SEMA5B: variants seen among roughly 807,000 people sequenced by gnomAD.
SEMA5B encodes the protein semaphorin 5B.
A neutral mutation model predicts 135.0 loss-of-function variants in SEMA5B; 66 were observed. The observed-to-expected ratio is 0.49, with a 90% CI of 0.40 to 0.60. The LOEUF is 0.60. SEMA5B is among the 20% of genes least tolerant of loss of function. The pLI is 0.00. For missense variants in SEMA5B, 1,501 were observed against 1,566.3 expected, an observed-to-expected ratio of 0.96 and a Z score of 0.70; for synonymous variants, 690 against 639.5, an observed-to-expected ratio of 1.08 and a Z score of -1.19.
intron 1 of SEMA5B, among the ~76,000 whole-genome samples, chr3:123,002,910 C>T (rs978293447): frequency 5.3e-5 from 8 of 152,140 alleles, no homozygotes; most frequent in Non-Finnish European, 7.4e-5. Flanking sequence ...TACTTATTTC[C>T]GGAGATAAGG....
intron 1 of SEMA5B, among the ~76,000 whole-genome samples, chr3:122,968,769 T>C (rs9869820): frequency 0.12 from 17,800 of 152,142 alleles, 1,956 homozygotes; most frequent in East Asian, 0.31. Flanking sequence ...TCAGCTGGGT[T>C]TGGTACCCAT....
chr3:122,978,041 G>C (rs10934628), intron 1 of SEMA5B, among the ~76,000 whole-genome samples: 16,077 of 152,296 alleles, frequency 0.11, 895 homozygotes, highest in Middle Eastern at 0.17. Context: ...CCCCAGTGGA[G>C]TGATGGCAGA....
intron 1 of SEMA5B, among the ~76,000 whole-genome samples, chr3:123,004,684 C>A (rs1375505054): frequency 1.3e-5 from 2 of 152,176 alleles, no homozygotes; most frequent in Non-Finnish European, 2.9e-5. Context: ...ATATAACATA[C>A]CCAGGCAACA....
At chr3:122,987,734 G>T (rs1363442723) in intron 1 of SEMA5B, among the ~76,000 whole-genome samples, 1 of 152,220 alleles carries the variant, frequency 6.6e-6, no homozygotes, top group Non-Finnish European at 1.5e-5. Flanking sequence ...TCCTGACAGG[G>T]ACTGGGAGAA....
intron 2 of SEMA5B, among the ~76,000 whole-genome samples, chr3:122,956,844 GA>G (rs1237471502): frequency 6.6e-6 from 1 of 152,158 alleles, no homozygotes; most frequent in Non-Finnish European, 1.5e-5. Context: ...CCCTAAAAGG[GA>G]AAAAACGTCC....
At position 122,939,460 on chromosome 3, in the gene SEMA5B, A is replaced by G. The variant is rs1939455775; in HGVS notation, c.439T>C (p.Phe147Leu). Residue 147 changes from phenylalanine (F) to leucine (L), a missense_variant, in exon 5 of 23, where the codon TTC becomes CTC. Physicochemically the swap from Phe to Leu is conservative, Grantham distance 22. Around this residue, in one of 2 missense-constraint regions of SEMA5B, gnomAD observed 574 missense variants for 684.7 expected, o/e 0.84. Transcript: ENST00000357599. ...QLIVGARNYLFRLSLANVSLL... is the reference protein window; with the variant it reads ...QLIVGARNYLLRLSLANVSLL... ...GAGACATTGGCAAGGCTGAGTCTGA[A>G]GAGGTAGTTCCTGTGAAAATGGAAA... 1.2e-6 allele frequency: 2 copies of G among 1,612,778 alleles called. No individual in the cohort carries two copies. Among genetic ancestry groups the G allele is most frequent in the African/African-American group, 1.3e-5 (1 of 74,910 alleles).
intron 1 of SEMA5B, among the ~76,000 whole-genome samples, chr3:122,988,078 C>T (rs187098741): frequency 1.3e-5 from 2 of 152,290 alleles, no homozygotes; most frequent in Admixed American, 6.5e-5. Context: ...TGCAGAAACC[C>T]TGGCTGCTGG....
intron 1 of SEMA5B, among the ~76,000 whole-genome samples, chr3:123,026,464 A>C (rs1220094672): frequency 8.5e-6 from 1 of 117,648 alleles, no homozygotes; most frequent in Non-Finnish European, 1.9e-5. Flanking sequence ...GGGGGCGGGG[A>C]GGAGGGGGCC....
chr3:123,009,912 C>T (rs1403864749), intron 1 of SEMA5B, among the ~76,000 whole-genome samples: 1 of 152,200 alleles, frequency 6.6e-6, no homozygotes, highest in Non-Finnish European at 1.5e-5. Flanking sequence ...TGCTCTGTCT[C>T]TGCCCTGGGA....
intron 1 of SEMA5B, among the ~76,000 whole-genome samples, chr3:122,994,009 G>A (rs914181638): frequency 4.6e-5 from 7 of 151,756 alleles, no homozygotes; most frequent in African/African-American, 1.7e-4. Flanking sequence ...CTCCCCACCT[G>A]GCCCCATCTC....
At chr3:122,955,146 A>C (rs575412197) in intron 2 of SEMA5B, among the ~76,000 whole-genome samples, 14 of 151,846 alleles carry the variant, frequency 9.2e-5, no homozygotes, top group African/African-American at 3.4e-4. Context: ...CTCTAAAAAA[A>C]CAAAGGACGT....
At chr3:122,978,054 C>T (rs7652165) in intron 1 of SEMA5B, among the ~76,000 whole-genome samples, 4 of 151,908 alleles carry the variant, frequency 2.6e-5, no homozygotes, top group African/African-American at 4.8e-5. Context: ...ATGGCAGATG[C>T]GGAACCAGCC....
chr3:123,008,392 A>G (rs1223606807), intron 1 of SEMA5B, among the ~76,000 whole-genome samples: 2 of 152,206 alleles, frequency 1.3e-5, no homozygotes, highest in Non-Finnish European at 2.9e-5. Context: ...AGTATTCGGC[A>G]CCTGTAGATG....
chr3:123,012,460 C>T (rs1332041816), intron 1 of SEMA5B, among the ~76,000 whole-genome samples: 3 of 152,206 alleles, frequency 2.0e-5, no homozygotes, highest in Admixed American at 1.3e-4. Context: ...AAGCCATAGG[C>T]ATGGCCCCTC....
At chr3:122,960,387 G>C (rs1274113676) in intron 2 of SEMA5B, among the ~76,000 whole-genome samples, 1 of 152,184 alleles carries the variant, frequency 6.6e-6, no homozygotes, top group Non-Finnish European at 1.5e-5. Flanking sequence ...ATGTAAAATG[G>C]TACAGCCGCT....
chr3:122,931,581 A>T lies in SEMA5B; in HGVS notation c.475-2523T>A, dbSNP rs115922696. Among the ~76,000 whole-genome samples the T allele has an allele frequency of 5.7e-3, 861 of 152,374 alleles. 5 individuals carry two copies. The highest frequency in any genetic ancestry group is 0.019 in the African/African-American group (804 of 41,584). Reference sequence around the variant, plus strand: ...TATATCAATCTTGGCATACAAAAAAATACGCAAAATTGAGTATCCTTAAAC... The same window carrying T: ...TATATCAATCTTGGCATACAAAAAATTACGCAAAATTGAGTATCCTTAAAC... On this transcript the variant is annotated intron_variant, in intron 5 of 22. Transcript: ENST00000357599.
chr3:122,965,358 T>C (rs141414247), intron 1 of SEMA5B, among the ~76,000 whole-genome samples: 1 of 152,326 alleles, frequency 6.6e-6, no homozygotes, highest in East Asian at 1.9e-4. Context: ...AAGTTACAGG[T>C]GCCCAGGTCT....
intron 10 of SEMA5B, 26 bp from the exon 11 acceptor site, chr3:122,922,473 C>T: frequency 2.6e-6 from 4 of 1,559,426 alleles, no homozygotes; most frequent in Non-Finnish European, 3.5e-6. Context: ...AGGTCACGCG[C>T]GCCCCGGCCA....
chr3:122,993,946 C>G (rs956818495), intron 1 of SEMA5B, among the ~76,000 whole-genome samples: 3 of 152,112 alleles, frequency 2.0e-5, no homozygotes, highest in Admixed American at 6.5e-5. Flanking sequence ...ATTGGCCCCC[C>G]CACCTCAAGC....
Sources: gnomAD v4.1 joint callset for allele counts (sites outside exome capture counted in the v4.1 genomes callset) on GRCh38, gnomAD v4.1.1 for gene constraint, gnomAD v4.1.1 regional missense constraint, MANE v1.5 for transcripts, NCBI Gene and HGNC (gene_info 2026-07-23, HGNC 2026-07-21) for gene names.